Variants in MAST2 observed in about 807,000 individuals in gnomAD.
MAST2 encodes the protein microtubule-associated serine/threonine-protein kinase 2.
MAST2 carries 70 observed loss-of-function variants against 147.4 expected under a neutral mutation model. The observed-to-expected ratio is 0.47, with a 90% confidence interval of 0.39 to 0.58. The LOEUF is 0.58. Ranked by LOEUF, MAST2 falls within the 20% of genes least tolerant of loss-of-function variation. The pLI is 0.00. For synonymous variants in MAST2, 869 were observed against 896.8 expected, an observed-to-expected ratio of 0.97 and a Z score of 0.55; for missense variants, 2,080 against 2,302.3, an observed-to-expected ratio of 0.90 and a Z score of 1.98.
chr1:46,000,897 C>A, intron 6 of MAST2: 1 of 1,213,500 alleles, frequency 8.2e-7, no homozygotes, highest in Non-Finnish European at 1.1e-6. Flanking sequence ...TACCAAGATT[C>A]AAAAAGATCA....
At chr1:46,015,667 A>G (rs1481713183) in intron 10 of MAST2, among the ~76,000 whole-genome samples, 1 of 152,206 alleles carries the variant, frequency 6.6e-6, no homozygotes, top group African/African-American at 2.4e-5. Flanking sequence ...AGGCTCTGAA[A>G]TTGTGGCAAT....
chr1:45,974,203 G>A (rs1186865754), intron 5 of MAST2, among the ~76,000 whole-genome samples: 1 of 152,158 alleles, frequency 6.6e-6, no homozygotes, highest in East Asian at 1.9e-4. Flanking sequence ...CTAGCTAGGA[G>A]CACAAACAGT....
intron 3 of MAST2, among the ~76,000 whole-genome samples, chr1:45,876,188 C>T (rs1188724162): frequency 6.6e-6 from 1 of 152,016 alleles, no homozygotes; most frequent in Non-Finnish European, 1.5e-5. Flanking sequence ...GGCAGTGTGC[C>T]AAGAATGGTT....
At chr1:45,928,945 A>G (rs1051469286) in intron 4 of MAST2, among the ~76,000 whole-genome samples, 2 of 150,602 alleles carry the variant, frequency 1.3e-5, no homozygotes, top group African/African-American at 4.9e-5. Context: ...TTTTTCTGAC[A>G]TGTTCTTATG....
At chr1:45,931,135 A>G (rs1438319497) in intron 4 of MAST2, among the ~76,000 whole-genome samples, 5 of 152,236 alleles carry the variant, frequency 3.3e-5, no homozygotes, top group Admixed American at 3.3e-4. Context: ...CCTTTGTAAC[A>G]GAAGGCTCCG....
chr1:45,899,698 C>T (rs994330249), intron 4 of MAST2, among the ~76,000 whole-genome samples: 3 of 151,918 alleles, frequency 2.0e-5, no homozygotes, highest in Non-Finnish European at 4.4e-5. Flanking sequence ...TTTCTTTATC[C>T]AATCTACTGA....
rs1402116072 is a variant in MAST2 at position 46,027,236 on chromosome 1, A to G, written c.1920-495A>G. The stretch of plus-strand genomic sequence containing the variant: ...AATGAGTGGCTCAGGCAGAGTATAT[A>G]AAGGGATCTTAGTTCTAGTTTCTCC... On this transcript the variant is annotated intron_variant, in intron 16 of 28. Transcript: ENST00000361297. 2.6e-5 allele frequency among the ~76,000 whole-genome samples: 4 copies of G among 152,142 alleles called. No individual in the cohort carries two copies. In the East Asian group the frequency reaches 7.7e-4, roughly 29 times the overall value.
chr1:45,959,844 G>A (rs1426717285), intron 5 of MAST2, among the ~76,000 whole-genome samples: 1 of 152,286 alleles, frequency 6.6e-6, no homozygotes, highest in East Asian at 1.9e-4. Context: ...AAGGATTAGG[G>A]CTCACAGAGA....
chr1:46,025,822 C>G lies in MAST2; in HGVS notation c.1919+7C>G. The G allele has an allele frequency of 6.2e-7, 1 of 1,614,136 alleles. No individual in the cohort carries two copies. Among genetic ancestry groups the G allele is most frequent in the African/African-American group, 1.3e-5 (1 of 75,026 alleles). On this transcript the variant is annotated splice_region_variant and intron_variant, in intron 16 of 28. Coordinates refer to ENST00000361297, the MANE Select transcript of MAST2 (RefSeq NM_015112.3). ...GTGACCTCAAGCCTGACAAGTATGT[C>G]CACAGTCTGTGTCCCTTGTCCAGGG...
chr1:45,894,476 C>A (rs575982521), intron 4 of MAST2, among the ~76,000 whole-genome samples: 6 of 151,894 alleles, frequency 4.0e-5, no homozygotes, highest in Non-Finnish European at 8.8e-5. Flanking sequence ...TGATTAAGGA[C>A]CTGATAAGTC....
chr1:46,035,184 GGAC>G lies in MAST2; in HGVS notation c.4519_4521del (p.Asp1507del). ...CCATTCGTGAGGTGGACTCCTCAGAGGACGACACCGAGGAAGGGCCTGAGAACA... is the reference window on the plus strand; with the variant it reads ...CCATTCGTGAGGTGGACTCCTCAGAGGACACCGAGGAAGGGCCTGAGAACA... On this transcript the variant is annotated inframe_deletion, in exon 29 of 29. Transcript: ENST00000361297. This position sits in a 1 kb window ranked among gnomAD's most constrained non-coding sequence, Gnocchi z 5.5. 6.2e-7 allele frequency: 1 copy of G among 1,614,064 alleles called. No homozygotes were observed. The highest frequency in any genetic ancestry group is 1.3e-5 in the African/African-American group (1 of 75,056).
chr1:46,009,294 T>C (rs1645618737), intron 9 of MAST2, among the ~76,000 whole-genome samples: 2 of 152,206 alleles, frequency 1.3e-5, no homozygotes, highest in African/African-American at 4.8e-5. Context: ...CCTCAGGTGA[T>C]CCACCTGCCT....
At chr1:45,847,935 G>A (rs1184065786) in intron 3 of MAST2, among the ~76,000 whole-genome samples, 4 of 152,172 alleles carry the variant, frequency 2.6e-5, no homozygotes, top group Non-Finnish European at 4.4e-5. Context: ...AGTGCTACTG[G>A]TGCATTCTAT....
rs763749553 is a variant in MAST2 at position 46,019,662 on chromosome 1, A to G, written c.1255A>G (p.Ile419Val). ...VMQLVKKLMI[I>V]IARPARLLEC... ...GCAGCTGGTGAAAAAGCTGATGATT[A>G]TCATTGCCCGCCCAGCACGTCTCCT... The change falls in exon 11 of 29, where the codon ATC becomes GTC. Residue 419 changes from isoleucine to valine, a missense_variant. Coordinates refer to ENST00000361297, the MANE Select transcript of MAST2 (RefSeq NM_015112.3). 9.5e-5 allele frequency: 153 copies of G among 1,614,206 alleles called. 4 individuals are homozygous for G. In the South Asian group the frequency reaches 1.5e-3, roughly 16 times the overall value.
At chr1:45,894,176 A>G (rs1490950356) in intron 4 of MAST2, among the ~76,000 whole-genome samples, 1 of 151,946 alleles carries the variant, frequency 6.6e-6, no homozygotes, top group Non-Finnish European at 1.5e-5. Flanking sequence ...AGATCATGCC[A>G]CTGCACTCTA....
intron 1 of MAST2, among the ~76,000 whole-genome samples, chr1:45,823,293 A>C (rs1487300858): frequency 6.7e-6 from 1 of 149,630 alleles, no homozygotes; most frequent in Non-Finnish European, 1.5e-5. Context: ...CAGTTACTTG[A>C]AGCTTGTTTT....
chr1:45,902,832 C>T (rs1205999889), intron 4 of MAST2, among the ~76,000 whole-genome samples: 1 of 152,032 alleles, frequency 6.6e-6, no homozygotes, highest in Non-Finnish European at 1.5e-5. Flanking sequence ...TGTAATGCCA[C>T]TTTTGTCATT....
At position 46,023,238 on chromosome 1, in the gene MAST2, T is replaced by G; in HGVS notation, c.1491T>G (p.His497Gln). The change falls in exon 14 of 29, where the codon CAT becomes CAG. Residue 497 changes from histidine to glutamine, a missense_variant. This residue lies in a region of MAST2 where 569 missense variants were observed against 642.5 expected (regional missense o/e 0.89). Transcript: ENST00000361297. The surrounding 1 kb of genome is among the most constrained non-coding windows in gnomAD (Gnocchi z 4.9). The part of the protein sequence containing the change: ...TPETDDSIEG[H>Q]GASLPSKKTP... The stretch of plus-strand genomic sequence containing the variant: ...CCTTTTCCCTTGTCTTCCAGGGCCA[T>G]GGGGCATCTCTGCCATCTAAAAAGA... 1 of 1,613,886 alleles carries G rather than the reference T, an allele frequency of 6.2e-7. No homozygotes were observed. The highest frequency in any genetic ancestry group is 1.1e-5 in the South Asian group (1 of 91,074).
chr1:45,949,967 A>G (rs1658690444), intron 4 of MAST2, among the ~76,000 whole-genome samples: 1 of 152,208 alleles, frequency 6.6e-6, no homozygotes, highest in Non-Finnish European at 1.5e-5. Context: ...ACCCAGGAAC[A>G]GGAAACCAAA....
Sources: allele counts gnomAD v4.1 joint callset (sites outside exome capture counted in the v4.1 genomes callset), GRCh38; gene constraint gnomAD v4.1.1; regional missense constraint gnomAD v4.1.1; non-coding constraint Gnocchi (gnomAD v3.1); transcripts MANE v1.5; gene names NCBI Gene and HGNC (gene_info 2026-07-23, HGNC 2026-07-21).